The following COXFA4 variants were observed in gnomAD, a reference collection of about 807,000 sequenced individuals.
COXFA4 encodes the protein cytochrome c oxidase subunit FA4.
At chr7:10,939,812 C>A in the COXFA4 span, 3 of 685,986 alleles carry the variant, frequency 4.4e-6, no homozygotes, top group Non-Finnish European at 7.8e-6. Flanking sequence ...TCTCCTTCCT[C>A]CTGTCAGACA....
the COXFA4 span, chr7:10,938,395 T>C: frequency 9.9e-6 from 5 of 503,344 alleles, no homozygotes; most frequent in East Asian, 1.6e-4. Flanking sequence ...AACCTTTCCA[T>C]TTAATTAATA....
chr7:10,933,783 G>T, the COXFA4 span: 3 of 887,664 alleles, frequency 3.4e-6, no homozygotes, highest in Non-Finnish European at 5.4e-6. Context: ...GTTTTCTACA[G>T]TAACAATTAC....
the COXFA4 span, chr7:10,932,556 T>C: frequency 6.6e-6 from 1 of 152,210 alleles, no homozygotes. Context: ...CGTATGAAAA[T>C]CCAAAATTAA....
At chr7:10,933,619 A>G in the COXFA4 span, 683 of 1,600,396 alleles carry the variant, frequency 4.3e-4, 1 homozygote, top group Non-Finnish European at 5.6e-4. Context: ...AAGCAGCGTT[A>G]TAGTGAAACA....
chr7:10,935,667 G>A, the COXFA4 span, among the ~76,000 whole-genome samples: 1 of 152,108 alleles, frequency 6.6e-6, no homozygotes, highest in Non-Finnish European at 1.5e-5. Context: ...ATATTGTGAG[G>A]ACACAACTGG....
chr7:10,939,641 A>G, the COXFA4 span: 2 of 226,156 alleles, frequency 8.8e-6, no homozygotes, highest in East Asian at 2.0e-4. Flanking sequence ...ACCTCCAGAG[A>G]TGGTATAACA....
the COXFA4 span, among the ~76,000 whole-genome samples, chr7:10,933,974 A>C: frequency 1.3e-5 from 2 of 152,196 alleles, no homozygotes; most frequent in African/African-American, 4.8e-5. Context: ...CTTTTATTTC[A>C]AAGTGAATAA....
chr7:10,934,037 TCTA>T, the COXFA4 span, among the ~76,000 whole-genome samples: 5 of 152,128 alleles, frequency 3.3e-5, no homozygotes, highest in Non-Finnish European at 7.4e-5. Context: ...TTGCCTTAAC[TCTA>T]CTAAGTACGT....
chr7:10,935,543 C>G, the COXFA4 span, among the ~76,000 whole-genome samples: 1 of 152,188 alleles, frequency 6.6e-6, no homozygotes, highest in Non-Finnish European at 1.5e-5. Context: ...ATGTTGTAAC[C>G]TCAAACGCCA....
the COXFA4 span, among the ~76,000 whole-genome samples, chr7:10,935,465 G>A: frequency 6.6e-6 from 1 of 152,262 alleles, no homozygotes; most frequent in African/African-American, 2.4e-5. Flanking sequence ...CATAGCTTTT[G>A]CTAGATTATA....
chr7:10,934,877 T>G, the COXFA4 span, among the ~76,000 whole-genome samples: 1 of 152,190 alleles, frequency 6.6e-6, no homozygotes, highest in African/African-American at 2.4e-5. Flanking sequence ...AAGAAACAAT[T>G]AACCTAGACA....
At chr7:10,939,755 T>C in the COXFA4 span, 3 of 543,510 alleles carry the variant, frequency 5.5e-6, no homozygotes, top group Non-Finnish European at 9.9e-6. Flanking sequence ...ACTGTTCCAA[T>C]ATTCACTAAC....
At chr7:10,934,891 A>G in the COXFA4 span, among the ~76,000 whole-genome samples, 55,797 of 152,028 alleles carry the variant, frequency 0.37, 10,794 homozygotes, top group South Asian at 0.47. Flanking sequence ...CTAGACAATA[A>G]GGTTAAAAAA....
At chr7:10,934,372 G>T in the COXFA4 span, among the ~76,000 whole-genome samples, 5 of 111,076 alleles carry the variant, frequency 4.5e-5, no homozygotes, top group African/African-American at 9.6e-5. Flanking sequence ...TACTGTGATT[G>T]CTTTAAAAAA....
chr7:10,938,567 C>A, the COXFA4 span: 1 of 463,862 alleles, frequency 2.2e-6, no homozygotes, highest in Non-Finnish European at 3.9e-6. Context: ...ATCCTCAAAA[C>A]ATTACAAGAT....
chr7:10,938,633 T>A, the COXFA4 span: 2 of 569,372 alleles, frequency 3.5e-6, no homozygotes, highest in Non-Finnish European at 6.3e-6. Flanking sequence ...AGAAATTAGA[T>A]AATTTCATGA....
chr7:10,934,376 TA>T, the COXFA4 span, among the ~76,000 whole-genome samples: 7,780 of 126,940 alleles, frequency 0.061, 287 homozygotes, highest in East Asian at 0.13. Context: ...GTGATTGCTT[TA>T]AAAAAAAAAA....
chr7:10,939,168 A>G, the COXFA4 span: 1 of 345,544 alleles, frequency 2.9e-6, no homozygotes, highest in Middle Eastern at 9.1e-4. Flanking sequence ...GTACATTTTT[A>G]AATTTCCAAG....
the COXFA4 span, chr7:10,937,913 G>A: frequency 6.6e-5 from 40 of 604,866 alleles, no homozygotes; most frequent in African/African-American, 6.9e-4. Context: ...TAAATACCTA[G>A]CAAAAAATAT....
Sources: gnomAD v4.1 joint callset for allele counts (sites outside exome capture counted in the v4.1 genomes callset) on GRCh38, gnomAD v4.1.1 for gene constraint, MANE v1.5 for transcripts, NCBI Gene and HGNC (gene_info 2026-07-23, HGNC 2026-07-21) for gene names.